BCKDHB: variants seen among roughly 807,000 people sequenced by gnomAD.
BCKDHB encodes the protein branched chain keto acid dehydrogenase E1 subunit beta.
BCKDHB carries 41 observed loss-of-function variants against 48.5 expected under a neutral mutation model. That is an observed-to-expected ratio of 0.85 (90% CI 0.66 to 1.10). BCKDHB has a LOEUF of 1.10. BCKDHB is among the 50% of genes least tolerant of loss of function. The probability of loss-of-function intolerance (pLI) is 0.00; values close to 1 mark genes in which losing one functional copy is unlikely to be tolerated. For missense variants in BCKDHB, 496 were observed against 494.2 expected (o/e 1.00, Z -0.03); for synonymous variants, 201 against 174.8 (o/e 1.15, Z -1.18).
At chr6:80,445,785 T>G in the BCKDHB span, among the ~76,000 whole-genome samples, 1 of 152,192 alleles carries the variant, frequency 6.6e-6, no homozygotes, top group Admixed American at 6.5e-5. Flanking sequence ...TTCATTTTCC[T>G]TTGACAAAAT....
chr6:80,211,612 T>C (rs1009052863), intron 8 of BCKDHB, among the ~76,000 whole-genome samples: 7 of 152,186 alleles, frequency 4.6e-5, no homozygotes, highest in Non-Finnish European at 7.3e-5. Flanking sequence ...CCTACAAGAA[T>C]TTACCTGATT....
chr6:80,264,700 G>A (rs1029953383), intron 8 of BCKDHB, among the ~76,000 whole-genome samples: 2 of 152,082 alleles, frequency 1.3e-5, no homozygotes, highest in Non-Finnish European at 2.9e-5. Flanking sequence ...AAACCAGAAC[G>A]TGATGCTTTT....
the BCKDHB span, among the ~76,000 whole-genome samples, chr6:80,417,654 A>C: frequency 2.5e-3 from 377 of 152,246 alleles, 2 homozygotes; most frequent in African/African-American, 8.5e-3. Context: ...AATGTTGAAT[A>C]TTGTCTCCCA....
chr6:80,174,671 A>G (rs918454450), intron 6 of BCKDHB, among the ~76,000 whole-genome samples: 4 of 152,188 alleles, frequency 2.6e-5, no homozygotes, highest in African/African-American at 9.6e-5. Flanking sequence ...AGTGAATGCC[A>G]AAGCTGGGCT....
intron 4 of BCKDHB, 134 bp downstream of exon 4, chr6:80,167,945 G>T: frequency 3.0e-6 from 3 of 1,005,204 alleles, no homozygotes; most frequent in Admixed American, 2.1e-5. Context: ...TTATAATTTT[G>T]TTATGAGCAT....
chr6:80,184,988 C>G (rs137939110), intron 6 of BCKDHB, among the ~76,000 whole-genome samples: 1 of 152,130 alleles, frequency 6.6e-6, no homozygotes, highest in Non-Finnish European at 1.5e-5. Flanking sequence ...AGATCTCTAG[C>G]AAGGACAGGG....
At chr6:80,208,088 A>G (rs543471792) in intron 8 of BCKDHB, among the ~76,000 whole-genome samples, 7 of 151,994 alleles carry the variant, frequency 4.6e-5, no homozygotes, top group Middle Eastern at 3.4e-3. Flanking sequence ...GGGCATAAAT[A>G]TAACCTTAAA....
intron 9 of BCKDHB, among the ~76,000 whole-genome samples, chr6:80,299,199 ACT>A (rs545860754): frequency 4.4e-4 from 67 of 151,942 alleles, no homozygotes; most frequent in African/African-American, 1.5e-3. Flanking sequence ...CTTAGGAGAG[ACT>A]CTTAATTCCC....
rs549046822 is a variant in BCKDHB, at chr6:80,243,414, TA to T, written c.952-29720del. Among the ~76,000 whole-genome samples, 21 of 152,356 alleles carry T rather than the reference TA, an allele frequency of 1.4e-4. No homozygotes were observed. The South Asian group carries it at 3.9e-3, about 29-fold the overall frequency. ...GAAAGCTGAAGCAGTATATAGCTGA[TA>T]TAAGAAGATTCAATGTAGATAGAAA... On this transcript the variant is annotated intron_variant, in intron 8 of 9. Coordinates refer to ENST00000320393, the MANE Select transcript of BCKDHB (RefSeq NM_183050.4).
At chr6:80,144,877 T>C (rs1188344591) in intron 3 of BCKDHB, among the ~76,000 whole-genome samples, 2 of 152,148 alleles carry the variant, frequency 1.3e-5, no homozygotes, top group Admixed American at 6.6e-5. Flanking sequence ...TGCACAGTCT[T>C]CCACTGTTTA....
chr6:80,412,203 G>A, the BCKDHB span, among the ~76,000 whole-genome samples: 14 of 148,950 alleles, frequency 9.4e-5, no homozygotes, highest in South Asian at 2.1e-4. Context: ...GAGTGCAATG[G>A]CACAATCTCA....
chr6:80,466,518 C>G, the BCKDHB span, among the ~76,000 whole-genome samples: 2 of 152,190 alleles, frequency 1.3e-5, no homozygotes, highest in South Asian at 4.1e-4. Flanking sequence ...TACACACACA[C>G]AATATATATA....
At chr6:80,409,150 C>A in the BCKDHB span, among the ~76,000 whole-genome samples, 1 of 152,028 alleles carries the variant, frequency 6.6e-6, no homozygotes. Context: ...CATTCAGGAG[C>A]AGGTTGTTCA....
chr6:80,247,689 C>T (rs1258703077), intron 8 of BCKDHB, among the ~76,000 whole-genome samples: 1 of 152,194 alleles, frequency 6.6e-6, no homozygotes, highest in Non-Finnish European at 1.5e-5. Context: ...TTGTCAGCAG[C>T]CAACTAAATT....
chr6:80,169,741 G>T, intron 5 of BCKDHB: 1 of 1,452,340 alleles, frequency 6.9e-7, no homozygotes, highest in South Asian at 1.3e-5. Flanking sequence ...TTTGTTTTTT[G>T]ACCACATGAA....
chr6:80,201,720 G>A (rs946325667), intron 7 of BCKDHB, among the ~76,000 whole-genome samples: 1 of 151,684 alleles, frequency 6.6e-6, no homozygotes, highest in South Asian at 2.1e-4. Context: ...TTTTCCCCCC[G>A]ACTTGCTGTC....
chr6:80,339,758 C>T (rs1769797024), intron 9 of BCKDHB, among the ~76,000 whole-genome samples: 1 of 152,194 alleles, frequency 6.6e-6, no homozygotes, highest in Admixed American at 6.5e-5. Flanking sequence ...CTGAACTTAA[C>T]TCATATGGCC....
chr6:80,438,033 TAGAA>T, the BCKDHB span, among the ~76,000 whole-genome samples: 2 of 152,198 alleles, frequency 1.3e-5, no homozygotes, highest in Admixed American at 1.3e-4. Flanking sequence ...CACTGGATAA[TAGAA>T]AGGATGAAAC....
At chr6:80,120,680 A>G (rs1769960716) in intron 1 of BCKDHB, among the ~76,000 whole-genome samples, 1 of 152,116 alleles carries the variant, frequency 6.6e-6, no homozygotes, top group African/African-American at 2.4e-5. Context: ...GTATCTGTTC[A>G]TATTCTTTGC....
Sources: gnomAD v4.1 joint callset for allele counts (sites outside exome capture counted in the v4.1 genomes callset) on GRCh38, gnomAD v4.1.1 for gene constraint, MANE v1.5 for transcripts, NCBI Gene and HGNC (gene_info 2026-07-23, HGNC 2026-07-21) for gene names.